Variants in RALYL observed in about 807,000 individuals in gnomAD.
The protein encoded by RALYL is RALY RNA binding protein like.
In RALYL, 29 loss-of-function variants were observed where a neutral mutation model predicts 35.1. The observed-to-expected ratio is 0.83, with a 90% CI of 0.61 to 1.13. The LOEUF (loss-of-function observed/expected upper bound fraction) is 1.13, where lower values mean the gene tolerates loss of function less well. Among genes scored for constraint, RALYL ranks in the 50% most tolerant of loss-of-function variants. The pLI is 0.00. For missense variants in RALYL, 359 were observed against 360.4 expected (o/e 1.00, Z 0.03); for synonymous variants, 120 against 127.6 (o/e 0.94, Z 0.40).
rs10100752 is a variant in RALYL, at chr8:84,840,129, A to T, written c.366-9851A>T. Among the ~76,000 whole-genome samples the T allele has an allele frequency of 9.1e-3, 1,389 of 152,322 alleles. 13 individuals carry two copies. The highest frequency in any genetic ancestry group is 0.032 in the African/African-American group (1,325 of 41,554). On this transcript the variant is annotated intron_variant, in intron 4 of 8. Coordinates refer to ENST00000521268, the MANE Select transcript of RALYL (RefSeq NM_173848.7). ...CAAAGCTGGACAGGGAATGACTTTG[A>T]CGAGTTGAGAGAATAAGGCTTCAGA...
At chr8:84,303,301 C>T (rs1841171908) in intron 1 of RALYL, among the ~76,000 whole-genome samples, 1 of 151,902 alleles carries the variant, frequency 6.6e-6, no homozygotes, top group African/African-American at 2.4e-5. Flanking sequence ...TGTTATTTAC[C>T]TTGTTTAAAA....
chr8:84,912,586 A>G (rs1847686650), intron 8 of RALYL, among the ~76,000 whole-genome samples: 1 of 152,080 alleles, frequency 6.6e-6, no homozygotes, highest in African/African-American at 2.4e-5. Flanking sequence ...TCTCCAAAAC[A>G]GTGCAAAAGA....
At chr8:84,621,624 G>C (rs1033201689) in intron 2 of RALYL, among the ~76,000 whole-genome samples, 1 of 152,072 alleles carries the variant, frequency 6.6e-6, no homozygotes. Context: ...CTCCTCCCCC[G>C]ACTATAGAAC....
intron 1 of RALYL, among the ~76,000 whole-genome samples, chr8:84,392,205 A>G (rs1460889408): frequency 6.6e-6 from 1 of 152,028 alleles, no homozygotes; most frequent in Non-Finnish European, 1.5e-5. Flanking sequence ...AGAGTTTAAT[A>G]TGGTACAATA....
At chr8:84,892,332 GGGCATGGT>G (rs1843993807) in intron 8 of RALYL, among the ~76,000 whole-genome samples, 1 of 151,984 alleles carries the variant, frequency 6.6e-6, no homozygotes, top group Non-Finnish European at 1.5e-5. Context: ...TTTCCTGGCT[GGGCATGGT>G]GGCTCACGCC....
intron 2 of RALYL, among the ~76,000 whole-genome samples, chr8:84,541,727 GA>G (rs1401918064): frequency 6.6e-6 from 1 of 151,858 alleles, no homozygotes. Flanking sequence ...TTATATATTT[GA>G]AGCAATATTT....
rs201387715 is a variant in RALYL, at chr8:84,424,828, C to T, written c.-23-104471C>T. Among the ~76,000 whole-genome samples the T allele has an allele frequency of 9.6e-3, 1,454 of 152,042 alleles. 60 individuals carry two copies. The highest frequency in any genetic ancestry group is 0.082 in the East Asian group (423 of 5,160). On this transcript the variant is annotated intron_variant, in intron 1 of 8. Coordinates refer to ENST00000521268, the MANE Select transcript of RALYL (RefSeq NM_173848.7). ...CCTGCTGTGTGAGGTGTCAGTGTGC[C>T]CCTGCTGGGGGGTGCCTCCCAGTTA...
Position 84,529,342 on chromosome 8 carries a change from C to A in RALYL, c.21C>A (p.Thr7=). 6.3e-7 allele frequency: 1 copy of A among 1,580,868 alleles called. No homozygotes were observed. Among genetic ancestry groups the A allele is most frequent in the East Asian group, 2.3e-5 (1 of 43,982 alleles). ...CAATCATGACTGGCAAAACACAGACCAGCAACGTCACCAATAAGAATGACC... is the reference window on the plus strand; with the variant it reads ...CAATCATGACTGGCAAAACACAGACAAGCAACGTCACCAATAAGAATGACC... MTGKTQ[T]SNVTNKNDPK... is the part of the protein sequence containing the mutation. The change falls in exon 2 of 9, where the codon ACC becomes ACA. Residue 7 remains threonine (T), a synonymous_variant. Transcript: ENST00000521268.
intron 2 of RALYL, among the ~76,000 whole-genome samples, chr8:84,603,175 G>C (rs907153843): frequency 2.0e-5 from 3 of 152,036 alleles, no homozygotes; most frequent in African/African-American, 7.2e-5. Context: ...GTTTCTAGAA[G>C]TGATCAGGCC....
chr8:84,233,026 A>G lies in RALYL; in HGVS notation c.-24+48602A>G, dbSNP rs549939318. On this transcript the variant is annotated intron_variant, in intron 1 of 8. Transcript: ENST00000521268. ...GACAGGGTCTTGCTTTGCCATCCAG[A>G]CTAGAATGTGGTGGTGCAAAATCAT... Among the ~76,000 whole-genome samples the G allele has an allele frequency of 1.9e-4, 29 of 152,086 alleles. No individual in the cohort carries two copies. In the South Asian group the frequency reaches 5.4e-3, roughly 28 times the overall value.
At chr8:84,407,069 A>C (rs200454301) in intron 1 of RALYL, among the ~76,000 whole-genome samples, 4,151 of 140,768 alleles carry the variant, frequency 0.029, 181 homozygotes, top group African/African-American at 0.1. Context: ...CACACACACA[A>C]ACACACACAC....
intron 2 of RALYL, among the ~76,000 whole-genome samples, chr8:84,530,156 A>G (rs564376681): frequency 9.2e-5 from 14 of 152,172 alleles, no homozygotes; most frequent in Non-Finnish European, 1.9e-4. Flanking sequence ...TTTTTTTCAA[A>G]GAAAGGAAAA....
chr8:84,871,979 A>C (rs1424258014), intron 6 of RALYL, among the ~76,000 whole-genome samples: 1 of 152,158 alleles, frequency 6.6e-6, no homozygotes, highest in Non-Finnish European at 1.5e-5. Context: ...CTAAAGAATC[A>C]AGTTAAACAC....
At chr8:84,544,768 G>A (rs2060244195) in intron 2 of RALYL, among the ~76,000 whole-genome samples, 2 of 151,898 alleles carry the variant, frequency 1.3e-5, no homozygotes, top group East Asian at 1.9e-4. Context: ...ATCATGCAAT[G>A]TTTGACAGCA....
At chr8:84,812,334 T>C (rs1304804512) in intron 4 of RALYL, among the ~76,000 whole-genome samples, 1 of 151,992 alleles carries the variant, frequency 6.6e-6, no homozygotes, top group Admixed American at 6.6e-5. Context: ...GTCTGCAGAG[T>C]CCTGTGATGA....
rs1811831134 is a variant in RALYL, at chr8:84,183,837, C to T, written c.-611C>T. The T allele has an allele frequency of 6.6e-6, 1 of 152,484 alleles. No homozygotes were observed. The highest frequency in any genetic ancestry group is 1.5e-5 in the Non-Finnish European group (1 of 68,030). The allele number at this position is 152,484 out of a possible 1,614,324, so 9.4% of individuals were successfully genotyped here. On this transcript the variant is annotated 5_prime_UTR_variant, in exon 1 of 9. Transcript: ENST00000521268. ...CGCTGGGAGCGTCTCCCAAGTCCAG[C>T]AAAATGTGCAACTGGTTTTATGGAA...
intron 1 of RALYL, among the ~76,000 whole-genome samples, chr8:84,470,006 G>A (rs569673862): frequency 2.6e-4 from 40 of 152,176 alleles, no homozygotes; most frequent in African/African-American, 8.2e-4. Flanking sequence ...GCTCGCGCAC[G>A]GTGCGCGCAC....
At chr8:84,221,825 A>G (rs886574602) in intron 1 of RALYL, among the ~76,000 whole-genome samples, 1 of 152,088 alleles carries the variant, frequency 6.6e-6, no homozygotes, top group African/African-American at 2.4e-5. Flanking sequence ...GAATGGAAAT[A>G]TCTATTCTGT....
At chr8:84,476,461 A>G (rs542508903) in intron 1 of RALYL, among the ~76,000 whole-genome samples, 12 of 152,214 alleles carry the variant, frequency 7.9e-5, no homozygotes, top group African/African-American at 2.6e-4. Flanking sequence ...TCTTCTTTTT[A>G]TCTTATCAAA....
Sources: gnomAD v4.1 joint callset for allele counts (sites outside exome capture counted in the v4.1 genomes callset) on GRCh38, gnomAD v4.1.1 for gene constraint, MANE v1.5 for transcripts, NCBI Gene and HGNC (gene_info 2026-07-23, HGNC 2026-07-21) for gene names.